FMN2: variants seen among roughly 807,000 people sequenced by gnomAD.
FMN2 encodes the protein formin 2.
A neutral mutation model predicts 142.3 loss-of-function variants in FMN2; 51 were observed. The ratio of observed to expected loss-of-function variants is 0.36; its 90% CI spans 0.29 to 0.45. The LOEUF (loss-of-function observed/expected upper bound fraction) is 0.45, where lower values mean the gene tolerates loss of function less well. Among genes scored for constraint, FMN2 ranks in the 20% least tolerant of loss-of-function variants. FMN2 has a pLI of 1.00. For missense variants in FMN2, 1,936 were observed against 2,122.8 expected (o/e 0.91, Z 1.73); for synonymous variants, 882 against 869.8 (o/e 1.01, Z -0.25).
intron 1 of FMN2, among the ~76,000 whole-genome samples, chr1:240,101,825 T>A (rs1003292594): frequency 2.0e-5 from 3 of 151,908 alleles, no homozygotes; most frequent in African/African-American, 7.3e-5. Flanking sequence ...GTTGATCGTG[T>A]GTTATGAAAA....
chr1:240,143,532 G>A (rs1358073437), intron 2 of FMN2: 12 of 1,591,938 alleles, frequency 7.5e-6, no homozygotes, highest in Admixed American at 6.7e-5. Context: ...CAAAGTGTTC[G>A]CTGCAAACGT....
rs745747440 is a variant in FMN2 at position 240,329,437 on chromosome 1, G to C, written c.4406G>C (p.Arg1469Pro). 3 of 1,613,842 alleles carry C rather than the reference G, an allele frequency of 1.9e-6. No individual in the cohort carries two copies. The highest frequency in any genetic ancestry group is 2.5e-6 in the Non-Finnish European group (3 of 1,179,934). ...TCAGAAAGCATTTGCTCAATTCGTC[G>C]CAAACTGGAATTACTACAGAAATTG... ...TFSESICSIRRKLELLQKLCE... is the reference protein window; with the variant it reads ...TFSESICSIRPKLELLQKLCE... The change falls in exon 10 of 18, where the codon CGC (arginine) becomes CCC (proline). Residue 1469 changes from arginine to proline, a missense_variant. By Grantham distance (103) the Arg-to-Pro change is moderately radical. Coordinates refer to ENST00000319653, the MANE Select transcript of FMN2 (RefSeq NM_020066.5).
intron 13 of FMN2, among the ~76,000 whole-genome samples, chr1:240,346,561 G>A (rs1276632629): frequency 6.6e-6 from 1 of 152,178 alleles, no homozygotes; most frequent in Non-Finnish European, 1.5e-5. Flanking sequence ...GAGGGACAGA[G>A]AGAAACACAC....
chr1:240,418,682 C>T (rs1000657215), intron 15 of FMN2, among the ~76,000 whole-genome samples: 5 of 152,256 alleles, frequency 3.3e-5, no homozygotes, highest in South Asian at 2.1e-4. Context: ...AGATGGCCAA[C>T]GTGTATAAGT....
At chr1:240,344,448 T>C (rs895375163) in intron 13 of FMN2, among the ~76,000 whole-genome samples, 1 of 152,218 alleles carries the variant, frequency 6.6e-6, no homozygotes, top group Non-Finnish European at 1.5e-5. Flanking sequence ...TTTCCCAAAG[T>C]TGATAAGCCT....
At position 240,220,708 on chromosome 1, in the gene FMN2, TTTTA is replaced by T. The variant is rs367613591; in HGVS notation, c.4065+9485_4065+9488del. ...GTGTGTGTGTGTGTTATTAATCCCA[TTTTA>T]TTTATTTATTTTCTTTTATTATACT... On this transcript the variant is annotated intron_variant, in intron 6 of 17. Coordinates refer to ENST00000319653, the MANE Select transcript of FMN2 (RefSeq NM_020066.5). Among the ~76,000 whole-genome samples the T allele has an allele frequency of 5.6e-3, 846 of 151,934 alleles. 7 individuals carry two copies. Among genetic ancestry groups the T allele is most frequent in the South Asian group, 0.011 (51 of 4,816 alleles).
Position 240,093,150 on chromosome 1 carries a change from G to A in FMN2, c.1041G>A (p.Glu347=). ...APVRGAGDTD[E]EGEEDAFEDA... ...TGCGAGGGGCTGGGGACACGGATGAGGAGGGTGAGGAGGATGCTTTTGAGG... is the reference window on the plus strand; with the variant it reads ...TGCGAGGGGCTGGGGACACGGATGAAGAGGGTGAGGAGGATGCTTTTGAGG... The change falls in exon 1 of 18, where the codon GAG becomes GAA. Residue 347 remains glutamate, a synonymous_variant. Transcript: ENST00000319653. 1.4e-6 allele frequency: 2 copies of A among 1,428,106 alleles called. No individual in the cohort carries two copies. The highest frequency in any genetic ancestry group is 9.1e-7 in the Non-Finnish European group (1 of 1,097,708). The allele number at this position is 1,428,106 out of a possible 1,614,324, so 88.5% of individuals were successfully genotyped here.
intron 2 of FMN2, among the ~76,000 whole-genome samples, chr1:240,173,108 G>C (rs1046034267): frequency 6.6e-6 from 1 of 151,978 alleles, no homozygotes; most frequent in Non-Finnish European, 1.5e-5. Context: ...GCTAATTTTT[G>C]TATTTTTAGT....
rs549136899 is a variant in FMN2, at chr1:240,333,275, C to T, written c.4585-612C>T. ...TTACCTTTTTTTAAATAGAAATATC[C>T]ACATTGTCTTATTTATAACCACATG... On this transcript the variant is annotated intron_variant, in intron 11 of 17. Transcript: ENST00000319653. Among the ~76,000 whole-genome samples the T allele has an allele frequency of 2.0e-5, 3 of 151,990 alleles. No individual in the cohort carries two copies. In the South Asian group the frequency reaches 6.2e-4, roughly 32 times the overall value.
chr1:240,210,876 T>C (rs1328894115), intron 5 of FMN2, among the ~76,000 whole-genome samples: 1 of 152,100 alleles, frequency 6.6e-6, no homozygotes, highest in Non-Finnish European at 1.5e-5. Flanking sequence ...TGGGGAAAAA[T>C]TTCATTCATG....
At chr1:240,361,139 GTGTATATATATATA>G (rs1395181382) in intron 14 of FMN2, among the ~76,000 whole-genome samples, 4 of 9,546 alleles carry the variant, frequency 4.2e-4, no homozygotes, top group Non-Finnish European at 7.0e-4. Flanking sequence ...ATAAATATAT[GTGTATATATATATA>G]TATATATATA....
At chr1:240,367,043 T>G (rs1672695728) in intron 14 of FMN2, among the ~76,000 whole-genome samples, 1 of 152,212 alleles carries the variant, frequency 6.6e-6, no homozygotes. Context: ...TCTGCACTTC[T>G]ATCGGCAGAG....
chr1:240,092,336 C>T lies in FMN2; in HGVS notation c.227C>T (p.Ser76Phe). Residue 76 changes from serine to phenylalanine, a missense_variant, in exon 1 of 18, where the codon TCC becomes TTC. This residue lies in a region of FMN2 where 751 missense variants were observed against 791.8 expected (regional missense o/e 0.95). Coordinates refer to ENST00000319653, the MANE Select transcript of FMN2 (RefSeq NM_020066.5). The part of the protein sequence containing the change: ...SKSDSRASVF[S>F]NLRIRKNLSK... ...TCCGACTCCAGAGCCTCGGTGTTTT[C>T]CAACCTGCGGATCAGGAAGAATCTG... 3 of 1,608,452 alleles carry T rather than the reference C, an allele frequency of 1.9e-6. No homozygotes were observed. The highest frequency in any genetic ancestry group is 2.5e-6 in the Non-Finnish European group (3 of 1,176,582).
intron 16 of FMN2, among the ~76,000 whole-genome samples, chr1:240,448,060 C>A (rs1368550290): frequency 1.3e-5 from 2 of 152,152 alleles, no homozygotes; most frequent in Non-Finnish European, 2.9e-5. Flanking sequence ...CTGCCTGGTA[C>A]AACTCCTGCT....
At chr1:240,275,173 G>A (rs1669156798) in intron 7 of FMN2, among the ~76,000 whole-genome samples, 1 of 151,360 alleles carries the variant, frequency 6.6e-6, no homozygotes, top group African/African-American at 2.4e-5. Flanking sequence ...ACGTGCCATG[G>A]TGTTTTGCTG....
At chr1:240,430,516 AC>A (rs1303413611) in intron 15 of FMN2, among the ~76,000 whole-genome samples, 1 of 152,026 alleles carries the variant, frequency 6.6e-6, no homozygotes, top group Admixed American at 6.6e-5. Context: ...TGATTTATCA[AC>A]TTTTTTTCTC....
chr1:240,337,301 C>G (rs906655306), intron 13 of FMN2, among the ~76,000 whole-genome samples: 1 of 150,956 alleles, frequency 6.6e-6, no homozygotes, highest in Non-Finnish European at 1.5e-5. Flanking sequence ...CTCTGCCTCC[C>G]CATCTCCTGG....
intron 16 of FMN2, among the ~76,000 whole-genome samples, chr1:240,450,187 A>G (rs988095992): frequency 2.0e-5 from 3 of 152,194 alleles, no homozygotes; most frequent in African/African-American, 4.8e-5. Flanking sequence ...TGAAAACAGC[A>G]TTACAGCTAA....
chr1:240,240,501 T>C (rs1667861202), intron 6 of FMN2, among the ~76,000 whole-genome samples: 1 of 152,256 alleles, frequency 6.6e-6, no homozygotes. Flanking sequence ...TCACGTCTTT[T>C]ATTTGTGATG....
Sources: gnomAD v4.1 joint callset for allele counts (sites outside exome capture counted in the v4.1 genomes callset) on GRCh38, gnomAD v4.1.1 for gene constraint, gnomAD v4.1.1 regional missense constraint, MANE v1.5 for transcripts, NCBI Gene and HGNC (gene_info 2026-07-23, HGNC 2026-07-21) for gene names.